The following SPAG1 variants were observed in gnomAD, a reference collection of about 807,000 sequenced individuals.
SPAG1 encodes sperm-associated antigen 1.
Under a neutral mutation model 100.5 loss-of-function variants are expected in SPAG1, and 69 were observed. The ratio of observed to expected loss-of-function variants is 0.69; its 90% CI spans 0.57 to 0.84. SPAG1 has a LOEUF of 0.84. SPAG1 is among the 40% of genes least tolerant of loss of function. The pLI, the probability that SPAG1 is intolerant of heterozygous loss-of-function variation, is 0.00. For missense variants in SPAG1, 955 were observed against 1,133.1 expected, an observed-to-expected ratio of 0.84 and a Z score of 2.26; for synonymous variants, 336 against 411.6, an observed-to-expected ratio of 0.82 and a Z score of 2.22.
intron 13 of SPAG1, among the ~76,000 whole-genome samples, chr8:100,222,920 T>G (rs1818347019): frequency 6.6e-6 from 1 of 152,124 alleles, no homozygotes; most frequent in Non-Finnish European, 1.5e-5. Context: ...AAGCAGCCAC[T>G]CCCCATTTTC....
intron 3 of SPAG1, among the ~76,000 whole-genome samples, chr8:100,171,195 C>A (rs1230685691): frequency 1.3e-5 from 2 of 152,122 alleles, no homozygotes; most frequent in Non-Finnish European, 2.9e-5. Context: ...ATAAACTCTA[C>A]TTGGTCATGA....
rs1471465549 is a variant in SPAG1, at chr8:100,240,398, T to G, written c.2281-5T>G. On this transcript the variant is annotated splice_region_variant and splice_polypyrimidine_tract_variant and intron_variant, in intron 17 of 18. Transcript: ENST00000388798. ...TCACAATGCATTTTTCTTTTCTTCA[T>G]GAAGGTGAATGAAGGCAAGGAGGAG... 6.3e-7 allele frequency: 1 copy of G among 1,579,906 alleles called. No homozygotes were observed. The highest frequency in any genetic ancestry group is 8.6e-7 in the Non-Finnish European group (1 of 1,168,446).
intron 13 of SPAG1, among the ~76,000 whole-genome samples, chr8:100,223,836 AT>A (rs1035175570): frequency 6.6e-6 from 1 of 151,196 alleles, no homozygotes. Context: ...ATTAATTTAA[AT>A]TTTTTTTTAC....
Position 100,239,378 on chromosome 8 carries a change from G to A in SPAG1, c.2254G>A (p.Glu752Lys). 6.2e-7 allele frequency: 1 copy of A among 1,606,196 alleles called. No individual in the cohort carries two copies. Among genetic ancestry groups the A allele is most frequent in the Non-Finnish European group, 8.5e-7 (1 of 1,173,086 alleles). Reference protein sequence around the residue: ...DKTAPFNKEKERRKIEIQEVN... With the variant: ...DKTAPFNKEKKRRKIEIQEVN... ...GACAGCACCATTCAACAAAGAAAAGGAGAGAAGGAAAATTGAGATTCAAGA... is the reference window on the plus strand; with the variant it reads ...GACAGCACCATTCAACAAAGAAAAGAAGAGAAGGAAAATTGAGATTCAAGA... Residue 752 changes from glutamate (E) to lysine (K), a missense_variant, in exon 17 of 19, where the codon GAG becomes AAG. By Grantham distance (56) the Glu-to-Lys change is moderately conservative (BLOSUM62 1). Coordinates refer to ENST00000388798, the MANE Select transcript of SPAG1 (RefSeq NM_003114.5). This position sits in a 1 kb window ranked among gnomAD's most constrained non-coding sequence, Gnocchi z 5.0.
intron 1 of SPAG1, among the ~76,000 whole-genome samples, chr8:100,160,479 T>C (rs773765084): frequency 3.3e-5 from 5 of 151,796 alleles, no homozygotes; most frequent in Non-Finnish European, 7.4e-5. Context: ...ATACAAAAAT[T>C]AGTTGGGCGT....
intron 15 of SPAG1, among the ~76,000 whole-genome samples, chr8:100,232,014 G>T (rs1818794643): frequency 6.6e-6 from 1 of 151,924 alleles, no homozygotes; most frequent in South Asian, 2.1e-4. Flanking sequence ...CTTCTGAAGT[G>T]CTGCGGGAAG....
chr8:100,178,019 T>C lies in SPAG1; in HGVS notation c.426+78T>C, dbSNP rs1204536738. 3.2e-6 allele frequency: 4 copies of C among 1,254,778 alleles called. No homozygotes were observed. In the African/African-American group the frequency reaches 6.0e-5, roughly 19 times the overall value. 77.7% of individuals were successfully genotyped at this position (1,254,778 alleles called of 1,614,324 possible). On this transcript the variant is annotated intron_variant, in intron 4 of 18. Coordinates refer to ENST00000388798, the MANE Select transcript of SPAG1 (RefSeq NM_003114.5). ...TTATTAAGGGGCAATCTCAGTTTAA[T>C]TGGAGCAGCCTATGTGTGATGTCCT... is the stretch of plus-strand genomic sequence containing the variant.
At chr8:100,166,325 C>G (rs1047026229) in intron 3 of SPAG1, among the ~76,000 whole-genome samples, 1 of 151,990 alleles carries the variant, frequency 6.6e-6, no homozygotes, top group South Asian at 2.1e-4. Context: ...GTGGCACGAT[C>G]TTGGCTCACT....
rs1169529242 is a variant in SPAG1 at position 100,213,916 on chromosome 8, C to G, written c.1533C>G (p.Asn511Lys). ...GCAGTGGCTGCATTCAAGATTGTAA[C>G]AGGTAAACTGCACGTTTTCAGGTTT... ...GNCSGCIQDC[N>K]RALELHPFSM... Residue 511 changes from asparagine to lysine, a missense_variant and splice_region_variant, in exon 12 of 19, where the codon AAC (asparagine) becomes AAG (lysine). Asn to Lys is a moderately conservative substitution (Grantham distance 94). Transcript: ENST00000388798. 3.2e-6 allele frequency: 5 copies of G among 1,551,772 alleles called. No individual in the cohort carries two copies. The highest frequency in any genetic ancestry group is 4.4e-6 in the Non-Finnish European group (5 of 1,127,654).
At chr8:100,226,979 C>T (rs989062279) in intron 14 of SPAG1, among the ~76,000 whole-genome samples, 3 of 152,180 alleles carry the variant, frequency 2.0e-5, no homozygotes, top group African/African-American at 7.2e-5. Context: ...CATTGTGTTA[C>T]AGTTGCCCAC....
intron 9 of SPAG1, among the ~76,000 whole-genome samples, chr8:100,193,621 A>G (rs904982182): frequency 6.6e-6 from 1 of 152,240 alleles, no homozygotes; most frequent in African/African-American, 2.4e-5. Flanking sequence ...GCATTACTCT[A>G]AAACAGTAAT....
intron 3 of SPAG1, among the ~76,000 whole-genome samples, chr8:100,172,678 GTA>G (rs1174752673): frequency 1.3e-5 from 2 of 151,656 alleles, no homozygotes; most frequent in African/African-American, 4.8e-5. Context: ...ATGTGTGTGT[GTA>G]TGTATGTGTA....
At chr8:100,162,488 A>T (rs1196055418) in intron 2 of SPAG1, 68 bp downstream of exon 2, 1 of 1,252,168 alleles carries the variant, frequency 8.0e-7, no homozygotes, top group Non-Finnish European at 1.1e-6. Context: ...TACCTTCTAA[A>T]GGTAAAAGCT....
At chr8:100,193,481 C>G (rs1316625308) in intron 9 of SPAG1, among the ~76,000 whole-genome samples, 1 of 151,980 alleles carries the variant, frequency 6.6e-6, no homozygotes, top group Non-Finnish European at 1.5e-5. Flanking sequence ...ACACCAACAA[C>G]AACAAAACAA....
rs548326538 is a variant in SPAG1, at chr8:100,188,720, G to A, written c.832+1470G>A. On this transcript the variant is annotated intron_variant, in intron 8 of 18. Coordinates refer to ENST00000388798, the MANE Select transcript of SPAG1 (RefSeq NM_003114.5). The stretch of plus-strand genomic sequence containing the variant: ...CATTATATTTCTTTAAATTTTTATG[G>A]ATTCAAATAAATATAAACACTTTTT... Among the ~76,000 whole-genome samples the A allele has an allele frequency of 3.3e-5, 5 of 152,242 alleles. No homozygotes were observed. In the South Asian group the frequency reaches 1.0e-3, roughly 32 times the overall value.
At chr8:100,221,195 C>T (rs1818261425) in intron 13 of SPAG1, among the ~76,000 whole-genome samples, 1 of 152,202 alleles carries the variant, frequency 6.6e-6, no homozygotes, top group South Asian at 2.1e-4. Context: ...TGTTCATTGG[C>T]ACCATATCTG....
chr8:100,229,043 T>C (rs1293528675), intron 14 of SPAG1, among the ~76,000 whole-genome samples: 1 of 152,078 alleles, frequency 6.6e-6, no homozygotes, highest in Admixed American at 6.5e-5. Context: ...ACTGTAGCAG[T>C]TTTAGGCTTT....
chr8:100,186,628 T>G (rs1044626566), intron 7 of SPAG1, among the ~76,000 whole-genome samples: 1 of 152,290 alleles, frequency 6.6e-6, no homozygotes. Flanking sequence ...TTATTATTTT[T>G]GATAATATAG....
chr8:100,209,313 T>TAA (rs1488542216), intron 10 of SPAG1, among the ~76,000 whole-genome samples: 1 of 148,508 alleles, frequency 6.7e-6, no homozygotes, highest in Admixed American at 6.8e-5. Context: ...CATATATATA[T>TAA]ATATATTCCT....
Sources: gnomAD v4.1 joint callset for allele counts (sites outside exome capture counted in the v4.1 genomes callset) on GRCh38, gnomAD v4.1.1 for gene constraint, Gnocchi (gnomAD v3.1) non-coding constraint, MANE v1.5 for transcripts, NCBI Gene and HGNC (gene_info 2026-07-23, HGNC 2026-07-21) for gene names.